The following NMBR variants were observed in gnomAD, a reference collection of about 807,000 sequenced individuals.
NMBR encodes neuromedin B receptor.
NMBR carries 16 observed loss-of-function variants against 20.5 expected under a neutral mutation model. That is an observed-to-expected ratio of 0.78 (90% CI 0.53 to 1.19). NMBR has a LOEUF of 1.19. Ranked by LOEUF, NMBR falls within the 50% of genes most tolerant of loss-of-function variation. NMBR has a pLI of 0.00. For synonymous variants in NMBR, 212 were observed against 196.6 expected, an observed-to-expected ratio of 1.08 and a Z score of -0.65; for missense variants, 582 against 499.1, an observed-to-expected ratio of 1.17 and a Z score of -1.58.
chr6:142,139,900 A>G (rs976390203), intron 1 of NMBR, among the ~76,000 whole-genome samples: 4 of 152,230 alleles, frequency 2.6e-5, no homozygotes, highest in African/African-American at 9.6e-5. Context: ...CATCAAAACT[A>G]AACAATATCT....
intron 1 of NMBR, among the ~76,000 whole-genome samples, chr6:142,094,845 T>C (rs1231349183): frequency 6.6e-6 from 1 of 152,198 alleles, no homozygotes; most frequent in Non-Finnish European, 1.5e-5. Flanking sequence ...TGGTTTGTAG[T>C]TCTCCTTGAA....
intron 1 of NMBR, among the ~76,000 whole-genome samples, chr6:142,140,488 A>G (rs1235453448): frequency 1.3e-5 from 2 of 152,128 alleles, no homozygotes; most frequent in African/African-American, 2.4e-5. Context: ...GTGGCAGGAA[A>G]GGAAAAAAGA....
intron 1 of NMBR, among the ~76,000 whole-genome samples, chr6:142,131,504 T>C (rs11965407): frequency 0.032 from 4,797 of 152,204 alleles, 257 homozygotes; most frequent in African/African-American, 0.11. Flanking sequence ...CCTGCAGCTG[T>C]TAGCATGCAA....
At chr6:142,077,997 G>A (rs927233069) in intron 3 of NMBR, among the ~76,000 whole-genome samples, 2 of 152,038 alleles carry the variant, frequency 1.3e-5, no homozygotes, top group African/African-American at 4.8e-5. Context: ...ACAAATTTGA[G>A]TTGGGTCACG....
chr6:142,124,085 G>T (rs1312473258), intron 1 of NMBR, among the ~76,000 whole-genome samples: 1 of 151,908 alleles, frequency 6.6e-6, no homozygotes, highest in Non-Finnish European at 1.5e-5. Flanking sequence ...TGGAGTCCCT[G>T]AAGACAGAAA....
intron 1 of NMBR, among the ~76,000 whole-genome samples, chr6:142,093,869 C>T (rs1271742853): frequency 1.3e-5 from 2 of 152,076 alleles, no homozygotes; most frequent in African/African-American, 4.8e-5. Flanking sequence ...ATGGTATCTC[C>T]TTGTGGTTTT....
At chr6:142,100,937 A>C (rs1777550078) in intron 1 of NMBR, among the ~76,000 whole-genome samples, 1 of 152,218 alleles carries the variant, frequency 6.6e-6, no homozygotes. Context: ...TGTATTTTCC[A>C]CATGTCTGTT....
At chr6:142,087,508 A>G (rs1777221103) in intron 2 of NMBR, among the ~76,000 whole-genome samples, 1 of 152,192 alleles carries the variant, frequency 6.6e-6, no homozygotes, top group Admixed American at 6.5e-5. Context: ...CAATATGCAC[A>G]TCTGAAAAAT....
chr6:142,138,657 G>C (rs1173924466), intron 1 of NMBR, among the ~76,000 whole-genome samples: 1 of 152,026 alleles, frequency 6.6e-6, no homozygotes, highest in Non-Finnish European at 1.5e-5. Context: ...ATTCTCTATA[G>C]ATAACATACC....
chr6:142,113,479 C>A (rs938614585), intron 1 of NMBR, among the ~76,000 whole-genome samples: 1 of 152,068 alleles, frequency 6.6e-6, no homozygotes, highest in Non-Finnish European at 1.5e-5. Context: ...TAGATTTATT[C>A]TATATAAGAG....
chr6:142,119,152 G>A (rs186467423), intron 1 of NMBR, among the ~76,000 whole-genome samples: 44 of 152,102 alleles, frequency 2.9e-4, no homozygotes, highest in African/African-American at 1.0e-3. Flanking sequence ...CAGCCTCTAG[G>A]AAATGACATA....
rs978539054 is a variant in NMBR, at chr6:142,095,322, G to A, written c.-663-6001C>T. On this transcript the variant is annotated intron_variant, in intron 1 of 3. Transcript: ENST00000258042. ...GATAGCTCTGATTATTTGGAGATAC[G>A]TCCCATCAATACCTAATTTATTGAG... Among the ~76,000 whole-genome samples, 7 of 152,242 alleles carry A rather than the reference G, an allele frequency of 4.6e-5. No homozygotes were observed. The East Asian group carries it at 5.8e-4, about 13-fold the overall frequency.
At chr6:142,123,841 C>T (rs887862386) in intron 1 of NMBR, among the ~76,000 whole-genome samples, 1 of 151,848 alleles carries the variant, frequency 6.6e-6, no homozygotes, top group African/African-American at 2.4e-5. Context: ...GGTGGCACAC[C>T]CATAAGCCGT....
chr6:142,103,396 G>A (rs979200002), intron 1 of NMBR, among the ~76,000 whole-genome samples: 1 of 152,168 alleles, frequency 6.6e-6, no homozygotes, highest in African/African-American at 2.4e-5. Flanking sequence ...CCATCAGGTA[G>A]CAGAAATGTA....
intron 1 of NMBR, among the ~76,000 whole-genome samples, chr6:142,096,886 T>TTAGC (rs1383139129): frequency 1.3e-5 from 2 of 151,532 alleles, no homozygotes; most frequent in Non-Finnish European, 3.0e-5. Context: ...TTTAGGATAG[T>TTAGC]TAGCTCTTGT....
chr6:142,140,777 T>A (rs1051287328), intron 1 of NMBR, among the ~76,000 whole-genome samples: 1 of 152,078 alleles, frequency 6.6e-6, no homozygotes, highest in Admixed American at 6.5e-5. Context: ...GAGAGCTCAA[T>A]TGGCTATATT....
chr6:142,080,223 G>C (rs138226251), intron 2 of NMBR, among the ~76,000 whole-genome samples: 2,112 of 145,310 alleles, frequency 0.015, 44 homozygotes, highest in South Asian at 0.071. Flanking sequence ...ATCATCTTTT[G>C]TTTCCTATAA....
intron 1 of NMBR, among the ~76,000 whole-genome samples, chr6:142,136,854 G>T (rs371007458): frequency 6.6e-5 from 10 of 151,950 alleles, no homozygotes; most frequent in Middle Eastern, 3.2e-3. Flanking sequence ...CATTGATCTA[G>T]ATCTCTGTTT....
chr6:142,115,096 A>G (rs1016773827), intron 1 of NMBR, among the ~76,000 whole-genome samples: 1 of 152,104 alleles, frequency 6.6e-6, no homozygotes, highest in Non-Finnish European at 1.5e-5. Context: ...TGCCTTCAGG[A>G]CTTTCTGCTC....
Sources: allele counts gnomAD v4.1 joint callset (sites outside exome capture counted in the v4.1 genomes callset), GRCh38; gene constraint gnomAD v4.1.1; transcripts MANE v1.5; gene names NCBI Gene and HGNC (gene_info 2026-07-23, HGNC 2026-07-21).